The following ABCC5 variants were observed in gnomAD, a reference collection of about 807,000 sequenced individuals.
ABCC5 encodes the protein ATP binding cassette subfamily C member 5, also known as ATP-binding cassette sub-family C member 5.
In ABCC5, 61 loss-of-function variants were observed where a neutral mutation model predicts 160.9. The observed-to-expected ratio is 0.38, with a 90% CI of 0.31 to 0.47. The LOEUF (loss-of-function observed/expected upper bound fraction) is 0.47, where lower values mean the gene tolerates loss of function less well. Ranked by LOEUF, ABCC5 falls within the 20% of genes least tolerant of loss-of-function variation. The pLI is 0.99. For missense variants in ABCC5, 1,308 were observed against 1,813.3 expected, an observed-to-expected ratio of 0.72 and a Z score of 5.06; for synonymous variants, 666 against 700.6, an observed-to-expected ratio of 0.95 and a Z score of 0.78.
At chr3:183,956,191 A>C (rs1424327501) in intron 17 of ABCC5, among the ~76,000 whole-genome samples, 6 of 72,378 alleles carry the variant, frequency 8.3e-5, no homozygotes, top group Non-Finnish European at 1.2e-4. Context: ...TCCGTGTGTA[A>C]ATCACATCGG....
At chr3:183,991,180 C>A (rs1576912044) in intron 2 of ABCC5, among the ~76,000 whole-genome samples, 1 of 151,798 alleles carries the variant, frequency 6.6e-6, no homozygotes, top group African/African-American at 2.4e-5. Flanking sequence ...GCCTGCAGTA[C>A]CAGCTACTTG....
chr3:183,947,633 G>A (rs1285542548), intron 22 of ABCC5, 123 bp from the exon 23 acceptor site: 1 of 779,400 alleles, frequency 1.3e-6, no homozygotes, highest in Non-Finnish European at 1.9e-6. Context: ...CTAACTGAGA[G>A]AATGCCCTGG....
chr3:183,967,820 G>A (rs1313335217), intron 11 of ABCC5, 54 bp from the exon 12 acceptor site: 7 of 1,411,734 alleles, frequency 5.0e-6, no homozygotes, highest in African/African-American at 2.9e-5. Flanking sequence ...ACCACTCATC[G>A]CTAAGGACTT....
chr3:183,935,673 G>C lies in ABCC5; in HGVS notation c.3854+2228C>G, dbSNP rs1395273835. ...ACCACAAGCATGGGCCACCACACCTGGCTAATTTAGTAGAGACAGGGTTTC... is the reference window on the plus strand; with the variant it reads ...ACCACAAGCATGGGCCACCACACCTCGCTAATTTAGTAGAGACAGGGTTTC... On this transcript the variant is annotated intron_variant, in intron 26 of 29. Coordinates refer to ENST00000334444, the MANE Select transcript of ABCC5 (RefSeq NM_005688.4). Among the ~76,000 whole-genome samples the C allele has an allele frequency of 2.0e-5, 3 of 151,378 alleles. No individual in the cohort carries two copies. The East Asian group carries it at 5.9e-4, about 30-fold the overall frequency.
At chr3:183,962,177 A>G (rs1716811153) in intron 15 of ABCC5, among the ~76,000 whole-genome samples, 1 of 152,216 alleles carries the variant, frequency 6.6e-6, no homozygotes, top group Non-Finnish European at 1.5e-5. Flanking sequence ...AGCCTACCTT[A>G]AACATGCTCA....
chr3:183,971,413 T>TA (rs1717728176), intron 11 of ABCC5, 150 bp downstream of exon 11: 1 of 632,402 alleles, frequency 1.6e-6, no homozygotes, highest in Non-Finnish European at 2.6e-6. Flanking sequence ...GGTTTTTTTT[T>TA]AGAGTTAGAG....
chr3:183,966,059 T>A (rs1166955425), intron 12 of ABCC5, among the ~76,000 whole-genome samples: 1 of 152,242 alleles, frequency 6.6e-6, no homozygotes, highest in Non-Finnish European at 1.5e-5. Context: ...CTTTGAAGTT[T>A]GTGTTCAGTT....
chr3:183,943,319 A>T (rs937280391), intron 24 of ABCC5, among the ~76,000 whole-genome samples: 1 of 152,210 alleles, frequency 6.6e-6, no homozygotes, highest in African/African-American at 2.4e-5. Context: ...CATTGGCTTA[A>T]ATCCAAAGGA....
intron 2 of ABCC5, among the ~76,000 whole-genome samples, chr3:183,992,561 G>C (rs994252936): frequency 6.6e-6 from 1 of 151,950 alleles, no homozygotes; most frequent in East Asian, 1.9e-4. Context: ...CAAGGTGGGC[G>C]GATCACGAGG....
At chr3:183,977,101 T>C (rs867529938) in intron 10 of ABCC5, among the ~76,000 whole-genome samples, 21 of 152,152 alleles carry the variant, frequency 1.4e-4, no homozygotes, top group African/African-American at 5.1e-4. Flanking sequence ...AAAAAGAAAG[T>C]ATCAAAAAGG....
chr3:183,974,128 C>A (rs1718011151), intron 10 of ABCC5, among the ~76,000 whole-genome samples: 1 of 152,098 alleles, frequency 6.6e-6, no homozygotes, highest in African/African-American at 2.4e-5. Context: ...ATAACATAAA[C>A]CTATAACCAT....
At chr3:183,923,111 G>T (rs1305127513) in intron 29 of ABCC5, among the ~76,000 whole-genome samples, 1 of 151,990 alleles carries the variant, frequency 6.6e-6, no homozygotes, top group Non-Finnish European at 1.5e-5. Flanking sequence ...GTCTCTGGGG[G>T]TAAATGGCTT....
intron 17 of ABCC5, among the ~76,000 whole-genome samples, chr3:183,956,055 C>T (rs771380874): frequency 2.2e-5 from 3 of 138,670 alleles, no homozygotes; most frequent in Non-Finnish European, 4.7e-5. Context: ...CATGCAGATC[C>T]GTGTGTATAT....
At chr3:183,991,973 G>A (rs1719808896) in intron 2 of ABCC5, among the ~76,000 whole-genome samples, 1 of 152,180 alleles carries the variant, frequency 6.6e-6, no homozygotes, top group Non-Finnish European at 1.5e-5. Flanking sequence ...ACAGGGACCA[G>A]CCTTATTTGG....
intron 14 of ABCC5, among the ~76,000 whole-genome samples, chr3:183,964,742 G>A (rs1253229162): frequency 2.0e-5 from 3 of 152,168 alleles, no homozygotes; most frequent in African/African-American, 4.8e-5. Flanking sequence ...TAGTTCCAAA[G>A]ACAAGCCTCT....
At chr3:183,994,579 T>G (rs1456579988) in intron 2 of ABCC5, among the ~76,000 whole-genome samples, 1 of 152,202 alleles carries the variant, frequency 6.6e-6, no homozygotes, top group Non-Finnish European at 1.5e-5. Flanking sequence ...TTTCACCATG[T>G]TGGTCAGGCT....
At chr3:183,957,792 A>G (rs1327146836) in intron 17 of ABCC5, among the ~76,000 whole-genome samples, 2 of 151,756 alleles carry the variant, frequency 1.3e-5, no homozygotes, top group Non-Finnish European at 2.9e-5. Flanking sequence ...CCGTGTGTAT[A>G]TCACATCGGT....
chr3:184,014,038 A>C (rs1721982144), intron 2 of ABCC5, among the ~76,000 whole-genome samples: 1 of 151,998 alleles, frequency 6.6e-6, no homozygotes. Context: ...ACGCCTGGCT[A>C]ATTTTTGTAC....
Position 183,951,696 on chromosome 3 carries a change from G to GC in ABCC5, c.2815-127dup. On this transcript the variant is annotated intron_variant, in intron 19 of 29. Transcript: ENST00000334444. The surrounding 1 kb of genome is among the most constrained non-coding windows in gnomAD (Gnocchi z 4.7). Reference sequence around the variant, plus strand: ...TGTGAGGGGTCAGGAGGGACAGGTGGCAAGTGAGAAAAGGTGGAGGCTAAC... The same window carrying GC: ...TGTGAGGGGTCAGGAGGGACAGGTGGCCAAGTGAGAAAAGGTGGAGGCTAAC... 1 of 1,477,046 alleles carries GC rather than the reference G, an allele frequency of 6.8e-7. No homozygotes were observed. The highest frequency in any genetic ancestry group is 9.2e-7 in the Non-Finnish European group (1 of 1,092,108). The allele number at this position is 1,477,046 out of a possible 1,614,324, so 91.5% of individuals were successfully genotyped here. A position where few individuals can be genotyped will look rare whatever the true frequency, so the allele number is the denominator to read the frequency against.
Sources: gnomAD v4.1 joint callset for allele counts (sites outside exome capture counted in the v4.1 genomes callset) on GRCh38, gnomAD v4.1.1 for gene constraint, Gnocchi (gnomAD v3.1) non-coding constraint, MANE v1.5 for transcripts, NCBI Gene and HGNC (gene_info 2026-07-23, HGNC 2026-07-21) for gene names.